NAALADL2: variants seen among roughly 807,000 people sequenced by gnomAD.
NAALADL2 encodes the protein N-acetylated alpha-linked acidic dipeptidase like 2, also known as inactive N-acetylated-alpha-linked acidic dipeptidase-like protein 2.
Under a neutral mutation model 87.2 loss-of-function variants are expected in NAALADL2, and 76 were observed. The observed-to-expected ratio is 0.87, with a 90% CI of 0.72 to 1.05. The LOEUF (loss-of-function observed/expected upper bound fraction) is 1.05, where lower values mean the gene tolerates loss of function less well. NAALADL2 is among the 50% of genes least tolerant of loss of function. The probability of loss-of-function intolerance (pLI) is 0.00; values close to 1 mark genes in which losing one functional copy is unlikely to be tolerated. For synonymous variants in NAALADL2, 354 were observed against 331.0 expected, an observed-to-expected ratio of 1.07 and a Z score of -0.75; for missense variants, 1,089 against 945.8, an observed-to-expected ratio of 1.15 and a Z score of -1.99.
chr3:175,304,559 C>T (rs1360585354), intron 4 of NAALADL2, among the ~76,000 whole-genome samples: 1 of 152,090 alleles, frequency 6.6e-6, no homozygotes, highest in Non-Finnish European at 1.5e-5. Flanking sequence ...AAGGCCTTTC[C>T]TGTGGCAGTC....
intron 3 of NAALADL2, among the ~76,000 whole-genome samples, chr3:174,785,771 G>A (rs1401143151): frequency 6.6e-6 from 1 of 152,160 alleles, no homozygotes; most frequent in African/African-American, 2.4e-5. Flanking sequence ...TATGCTGTTT[G>A]AAGTATTGAA....
At chr3:175,606,131 T>C (rs1022126184) in intron 10 of NAALADL2, among the ~76,000 whole-genome samples, 4 of 152,162 alleles carry the variant, frequency 2.6e-5, no homozygotes, top group African/African-American at 4.8e-5. Flanking sequence ...AAAGAAGCCT[T>C]GTGTCTCCAG....
At position 175,423,513 on chromosome 3, in the gene NAALADL2, G is replaced by A. The variant is rs576603755; in HGVS notation, c.1091-23716G>A. 1.2e-4 allele frequency among the ~76,000 whole-genome samples: 18 copies of A among 149,540 alleles called. No individual in the cohort carries two copies. The Middle Eastern group carries it at 0.01, about 87-fold the overall frequency. Reference sequence around the variant, plus strand: ...TTCCCACCTATGAGCGAGAACATGCGGTATTTGGTTTTTTGTCCTTGCGAT... The same window carrying A: ...TTCCCACCTATGAGCGAGAACATGCAGTATTTGGTTTTTTGTCCTTGCGAT... On this transcript the variant is annotated intron_variant, in intron 5 of 13. Coordinates refer to ENST00000454872, the MANE Select transcript of NAALADL2 (RefSeq NM_207015.3).
chr3:174,832,563 G>A (rs953649143), intron 3 of NAALADL2, among the ~76,000 whole-genome samples: 15 of 152,070 alleles, frequency 9.9e-5, no homozygotes, highest in African/African-American at 2.7e-4. Context: ...CCAGGTTCAC[G>A]CCATTCTCCT....
At chr3:174,564,210 C>A (rs1221039921) in intron 2 of NAALADL2, among the ~76,000 whole-genome samples, 1 of 152,150 alleles carries the variant, frequency 6.6e-6, no homozygotes, top group Non-Finnish European at 1.5e-5. Flanking sequence ...AGATTTTAAT[C>A]TCTTAGTGTT....
chr3:175,536,316 T>C (rs945000685), intron 9 of NAALADL2, among the ~76,000 whole-genome samples: 11 of 152,352 alleles, frequency 7.2e-5, no homozygotes, highest in Middle Eastern at 3.4e-3. Flanking sequence ...GGTTTAAATT[T>C]GGTAGTTGCC....
intron 2 of NAALADL2, among the ~76,000 whole-genome samples, chr3:174,609,894 T>C (rs1441217656): frequency 9.9e-5 from 15 of 152,174 alleles, no homozygotes; most frequent in Non-Finnish European, 1.8e-4. Context: ...GGAGGCATCA[T>C]GCTACCTGAC....
At chr3:174,586,460 A>C (rs956828078) in intron 2 of NAALADL2, among the ~76,000 whole-genome samples, 1 of 152,208 alleles carries the variant, frequency 6.6e-6, no homozygotes. Context: ...CAACAGACTG[A>C]CGAAGAGACC....
chr3:174,543,428 C>T (rs2108471999), intron 1 of NAALADL2, among the ~76,000 whole-genome samples: 1 of 152,248 alleles, frequency 6.6e-6, no homozygotes. Context: ...ATTCCAGAGA[C>T]AGTAATTAGC....
intron 5 of NAALADL2, among the ~76,000 whole-genome samples, chr3:175,394,164 C>T (rs1769463283): frequency 6.6e-6 from 1 of 152,028 alleles, no homozygotes; most frequent in African/African-American, 2.4e-5. Flanking sequence ...CTTTGGTTAT[C>T]ATTGAAAGCT....
chr3:174,706,793 C>T (rs1411504541), intron 2 of NAALADL2, among the ~76,000 whole-genome samples: 1 of 151,970 alleles, frequency 6.6e-6, no homozygotes, highest in Non-Finnish European at 1.5e-5. Context: ...GTCTTTAATC[C>T]ATCTTGAATT....
upstream of NAALADL2, among the ~76,000 whole-genome samples, chr3:174,854,466 G>C (rs1427246164): frequency 6.6e-6 from 1 of 152,038 alleles, no homozygotes; most frequent in Non-Finnish European, 1.5e-5. Context: ...TCTAGTGTTT[G>C]GTAGCACAAT....
chr3:175,222,049 C>T (rs1400622422), intron 2 of NAALADL2, among the ~76,000 whole-genome samples: 1 of 151,780 alleles, frequency 6.6e-6, no homozygotes, highest in African/African-American at 2.4e-5. Flanking sequence ...CCCAGAGTGT[C>T]AGTGGTTATT....
At chr3:174,996,534 C>T (rs1560456383) in intron 1 of NAALADL2, among the ~76,000 whole-genome samples, 1 of 151,852 alleles carries the variant, frequency 6.6e-6, no homozygotes, top group Non-Finnish European at 1.5e-5. Flanking sequence ...GGTCAGGTCA[C>T]ATTGAATGCT....
At chr3:175,344,054 C>T (rs1174256001) in intron 5 of NAALADL2, among the ~76,000 whole-genome samples, 3 of 152,004 alleles carry the variant, frequency 2.0e-5, no homozygotes, top group Admixed American at 2.0e-4. Flanking sequence ...TTAATACCGA[C>T]AAGCAATCTG....
At chr3:174,849,734 CAA>C (rs57620256) in intron 3 of NAALADL2, among the ~76,000 whole-genome samples, 8,444 of 62,170 alleles carry the variant, frequency 0.14, 148 homozygotes, top group Middle Eastern at 0.17. Flanking sequence ...GACTCTGACT[CAA>C]AAAAAAAAAA....
chr3:175,165,623 C>G (rs1733887544), intron 2 of NAALADL2, among the ~76,000 whole-genome samples: 1 of 152,076 alleles, frequency 6.6e-6, no homozygotes, highest in Non-Finnish European at 1.5e-5. Flanking sequence ...TTCCCCTCTT[C>G]AAAAAGAATT....
chr3:175,166,429 G>A (rs531628623), intron 2 of NAALADL2, among the ~76,000 whole-genome samples: 3 of 152,038 alleles, frequency 2.0e-5, no homozygotes, highest in African/African-American at 7.2e-5. Flanking sequence ...CACAAATACC[G>A]CTAGCTGCCT....
At chr3:175,706,273 C>A (rs535807989) in intron 11 of NAALADL2, among the ~76,000 whole-genome samples, 1 of 152,090 alleles carries the variant, frequency 6.6e-6, no homozygotes, top group Non-Finnish European at 1.5e-5. Flanking sequence ...ATATCTTCCA[C>A]GACCCCTAAT....
Sources: allele counts gnomAD v4.1 joint callset (sites outside exome capture counted in the v4.1 genomes callset), GRCh38; gene constraint gnomAD v4.1.1; transcripts MANE v1.5; gene names NCBI Gene and HGNC (gene_info 2026-07-23, HGNC 2026-07-21).